TUBGCP3: variants seen among roughly 807,000 people sequenced by gnomAD.
TUBGCP3 encodes the protein tubulin gamma complex component 3.
A neutral mutation model predicts 123.1 loss-of-function variants in TUBGCP3; 50 were observed. That is an observed-to-expected ratio of 0.41 (90% CI 0.32 to 0.51). TUBGCP3 has a LOEUF of 0.51. TUBGCP3 is among the 20% of genes least tolerant of loss of function. The pLI is 0.36. For missense variants in TUBGCP3, 882 were observed against 1,127.0 expected (o/e 0.78, Z 3.11); for synonymous variants, 405 against 413.9 (o/e 0.98, Z 0.26).
At chr13:112,564,844 A>G (rs4907726) in intron 3 of TUBGCP3, among the ~76,000 whole-genome samples, 23,010 of 152,206 alleles carry the variant, frequency 0.15, 2,068 homozygotes, top group East Asian at 0.21. Context: ...CAGCAGTGTA[A>G]TTAAGCGACT....
At chr13:112,518,321 C>T (rs1349695005) in intron 16 of TUBGCP3, among the ~76,000 whole-genome samples, 1 of 152,182 alleles carries the variant, frequency 6.6e-6, no homozygotes, top group Non-Finnish European at 1.5e-5. Flanking sequence ...CAACAGAATA[C>T]TTTTCCCAAT....
At chr13:112,576,067 A>G (rs1228256629) in intron 1 of TUBGCP3, among the ~76,000 whole-genome samples, 1 of 152,238 alleles carries the variant, frequency 6.6e-6, no homozygotes, top group Non-Finnish European at 1.5e-5. Flanking sequence ...CATTACTTAA[A>G]TTAAACCTTA....
At chr13:112,564,727 G>A (rs752368006) in intron 3 of TUBGCP3, among the ~76,000 whole-genome samples, 2 of 151,972 alleles carry the variant, frequency 1.3e-5, no homozygotes, top group South Asian at 2.1e-4. Context: ...CAATTTTTTC[G>A]TTATTCACTA....
chr13:112,553,464 G>T (rs1348575642), intron 8 of TUBGCP3, among the ~76,000 whole-genome samples: 1 of 152,238 alleles, frequency 6.6e-6, no homozygotes, highest in African/African-American at 2.4e-5. Context: ...CACAAAGAAG[G>T]GCTGGACAGT....
intron 20 of TUBGCP3, among the ~76,000 whole-genome samples, chr13:112,494,953 A>G (rs1880431446): frequency 6.6e-6 from 1 of 152,050 alleles, no homozygotes; most frequent in Non-Finnish European, 1.5e-5. Flanking sequence ...TGGGCTCCTT[A>G]TATATTCTGG....
chr13:112,576,855 G>C (rs1881856643), intron 1 of TUBGCP3, among the ~76,000 whole-genome samples: 3 of 135,730 alleles, frequency 2.2e-5, no homozygotes, highest in Admixed American at 1.5e-4. Flanking sequence ...ATAAAATCTG[G>C]AAAAAGAACA....
intron 1 of TUBGCP3, 72 bp downstream of exon 1, chr13:112,587,833 T>G: frequency 2.2e-6 from 3 of 1,368,036 alleles, no homozygotes; most frequent in Non-Finnish European, 2.0e-6. Context: ...CCCCGGAACG[T>G]ATTAGGGCTG....
In TUBGCP3 at chr13:112,587,972, G is replaced by A; in HGVS notation, c.9C>T (p.Thr3=). The change falls in exon 1 of 22, where the codon ACC becomes ACT. Residue 3 remains threonine, a synonymous_variant. Transcript: ENST00000261965. Reference sequence around the variant, plus strand: ...GAACGTTCGGCGACTTCTGGTCCGGGGTCGCCATCCTCGCCCGGAGCCGTG... The same window carrying A: ...GAACGTTCGGCGACTTCTGGTCCGGAGTCGCCATCCTCGCCCGGAGCCGTG... MA[T]PDQKSPNVLL... is the part of the protein sequence containing the mutation. 6.3e-7 allele frequency: 1 copy of A among 1,587,030 alleles called. No homozygotes were observed. Among genetic ancestry groups the A allele is most frequent in the Non-Finnish European group, 8.6e-7 (1 of 1,168,568 alleles).
intron 11 of TUBGCP3, among the ~76,000 whole-genome samples, chr13:112,537,148 T>TTAA (rs1555340956): frequency 4.6e-5 from 5 of 109,068 alleles, no homozygotes; most frequent in African/African-American, 2.2e-4. Flanking sequence ...TTTTTTTTTT[T>TTAA]AAAAAAAAAA....
At chr13:112,537,013 C>T (rs1052035128) in intron 11 of TUBGCP3, among the ~76,000 whole-genome samples, 2 of 152,082 alleles carry the variant, frequency 1.3e-5, no homozygotes, top group African/African-American at 4.8e-5. Context: ...GACCGCAAGC[C>T]GTGCTCCTGC....
chr13:112,578,769 G>C (rs369196251), intron 1 of TUBGCP3, among the ~76,000 whole-genome samples: 1 of 151,948 alleles, frequency 6.6e-6, no homozygotes, highest in South Asian at 2.1e-4. Flanking sequence ...CATACTTAGC[G>C]ATGGCCCCCT....
chr13:112,537,226 C>T (rs1878140072), intron 11 of TUBGCP3, among the ~76,000 whole-genome samples: 1 of 140,638 alleles, frequency 7.1e-6, no homozygotes, highest in South Asian at 2.2e-4. Flanking sequence ...TAAGAGTGAA[C>T]ACCCTTGTCT....
At chr13:112,583,811 C>T (rs566661732) in intron 1 of TUBGCP3, among the ~76,000 whole-genome samples, 5 of 152,224 alleles carry the variant, frequency 3.3e-5, no homozygotes, top group South Asian at 4.2e-4. Context: ...GTCAGGAGGG[C>T]GTTGGGAGTA....
At chr13:112,496,811 CCT>C (rs1880558263) in intron 20 of TUBGCP3, among the ~76,000 whole-genome samples, 3 of 152,194 alleles carry the variant, frequency 2.0e-5, no homozygotes, top group South Asian at 4.1e-4. Flanking sequence ...ACAGTGAAAC[CCT>C]GTCTATACTA....
rs73566334 is a variant in TUBGCP3, at chr13:112,502,505, G to C, written c.2307+1527C>G. On this transcript the variant is annotated intron_variant, in intron 19 of 21. Transcript: ENST00000261965. ...AACAAGACCAGGGTTAGTAATAGAG[G>C]TTTCAAGGGCCTCAAACCTCAAGAA... 6.4e-3 allele frequency among the ~76,000 whole-genome samples: 962 copies of C among 150,424 alleles called. 4 individuals are homozygous for C. Among genetic ancestry groups the C allele is most frequent in the African/African-American group, 0.022 (919 of 40,854 alleles).
chr13:112,487,073 G>GTC (rs1555335849), intron 21 of TUBGCP3, among the ~76,000 whole-genome samples: 18 of 147,908 alleles, frequency 1.2e-4, no homozygotes, highest in African/African-American at 3.9e-4. Context: ...GTGTGTGTGT[G>GTC]TGTGTGTGTC....
intron 3 of TUBGCP3, among the ~76,000 whole-genome samples, chr13:112,559,605 A>G (rs951907578): frequency 2.6e-5 from 4 of 152,226 alleles, no homozygotes; most frequent in Admixed American, 6.5e-5. Flanking sequence ...ACAACCTTGG[A>G]TCTTTCCTTC....
the TUBGCP3 span, among the ~76,000 whole-genome samples, chr13:112,600,352 C>T: frequency 6.6e-6 from 1 of 152,148 alleles, no homozygotes; most frequent in Non-Finnish European, 1.5e-5. Context: ...ATATAACGAG[C>T]TTCTGATTGA....
intron 5 of TUBGCP3, among the ~76,000 whole-genome samples, chr13:112,556,673 G>A (rs1273088974): frequency 2.0e-5 from 3 of 152,100 alleles, no homozygotes; most frequent in South Asian, 2.1e-4. Context: ...TGCCCCAGGC[G>A]CCTGGCCTCA....
Sources: allele counts gnomAD v4.1 joint callset (sites outside exome capture counted in the v4.1 genomes callset), GRCh38; gene constraint gnomAD v4.1.1; transcripts MANE v1.5; gene names NCBI Gene and HGNC (gene_info 2026-07-23, HGNC 2026-07-21).